The following CPVL variants were observed in gnomAD, a reference collection of about 807,000 sequenced individuals.
CPVL encodes the protein carboxypeptidase vitellogenic like.
A neutral mutation model predicts 63.7 loss-of-function variants in CPVL; 51 were observed. That is an observed-to-expected ratio of 0.80 (90% CI 0.64 to 1.01). The LOEUF is 1.01. Among genes scored for constraint, CPVL ranks in the 50% least tolerant of loss-of-function variants. The pLI is 0.00. For missense variants in CPVL, 530 were observed against 573.1 expected, an observed-to-expected ratio of 0.92 and a Z score of 0.77; for synonymous variants, 195 against 206.0, an observed-to-expected ratio of 0.95 and a Z score of 0.46.
chr7:29,026,996 C>G (rs907000527), intron 12 of CPVL, among the ~76,000 whole-genome samples: 3 of 151,994 alleles, frequency 2.0e-5, no homozygotes, highest in African/African-American at 7.2e-5. Flanking sequence ...TTCTACAAGG[C>G]TATCATCCTG....
chr7:29,120,803 G>T, intron 2 of CPVL, 90 bp downstream of exon 2: 1 of 1,312,852 alleles, frequency 7.6e-7, no homozygotes, highest in Non-Finnish European at 1.1e-6. Flanking sequence ...CCTAGTGACA[G>T]GCGAGACTTC....
intron 1 of CPVL, among the ~76,000 whole-genome samples, chr7:29,131,737 T>G (rs2128658549): frequency 6.6e-6 from 1 of 152,336 alleles, no homozygotes; most frequent in African/African-American, 2.4e-5. Context: ...GGTCTCGAGC[T>G]CCTGGGCTCA....
intron 1 of CPVL, among the ~76,000 whole-genome samples, chr7:29,139,767 C>A (rs1323190480): frequency 6.6e-6 from 1 of 152,114 alleles, no homozygotes; most frequent in South Asian, 2.1e-4. Context: ...TGTGTCCCAA[C>A]GGCACAGGCG....
At chr7:29,157,846 A>T (rs1284260777) in intron 5 of CPVL, among the ~76,000 whole-genome samples, 6 of 152,042 alleles carry the variant, frequency 3.9e-5, no homozygotes, top group Non-Finnish European at 7.4e-5. Context: ...TAAAAAAAAA[A>T]TCCTTCTATG....
intron 12 of CPVL, among the ~76,000 whole-genome samples, chr7:29,029,815 T>C (rs890200146): frequency 6.6e-6 from 1 of 152,188 alleles, no homozygotes; most frequent in Non-Finnish European, 1.5e-5. Flanking sequence ...GTTCCCAATA[T>C]AATGAAATGA....
At chr7:29,039,758 A>G (rs893867015) in intron 11 of CPVL, among the ~76,000 whole-genome samples, 1 of 152,204 alleles carries the variant, frequency 6.6e-6, no homozygotes, top group African/African-American at 2.4e-5. Flanking sequence ...AATTACAGAA[A>G]TACCAGAGAA....
intron 1 of CPVL, chr7:29,128,076 T>C (rs1044404460): frequency 6.6e-6 from 1 of 152,060 alleles, no homozygotes; most frequent in Non-Finnish European, 1.5e-5. Flanking sequence ...CCTTACAGTT[T>C]CTGGCAGCCA....
intron 7 of CPVL, among the ~76,000 whole-genome samples, chr7:29,085,252 C>G (rs1028208200): frequency 1.3e-5 from 2 of 152,230 alleles, no homozygotes; most frequent in African/African-American, 2.4e-5. Flanking sequence ...GCTTCTGGAA[C>G]ACACCTTTGT....
intron 11 of CPVL, among the ~76,000 whole-genome samples, chr7:29,035,500 G>T (rs1242187289): frequency 2.0e-5 from 3 of 152,172 alleles, no homozygotes; most frequent in Non-Finnish European, 2.9e-5. Flanking sequence ...TCTGGCCCTG[G>T]TGACATCTCT....
At chr7:29,006,227 T>G (rs1337859567) in intron 12 of CPVL, among the ~76,000 whole-genome samples, 1 of 152,216 alleles carries the variant, frequency 6.6e-6, no homozygotes, top group African/African-American at 2.4e-5. Flanking sequence ...CTATGGAAAT[T>G]GGCAAATACT....
At chr7:29,124,759 T>C (rs1789814316) in intron 1 of CPVL, among the ~76,000 whole-genome samples, 1 of 152,118 alleles carries the variant, frequency 6.6e-6, no homozygotes, top group Non-Finnish European at 1.5e-5. Context: ...TTAGATTGGA[T>C]ATATGGTTTT....
At chr7:29,180,776 G>T (rs35464056) in intron 5 of CPVL, among the ~76,000 whole-genome samples, 17,938 of 152,160 alleles carry the variant, frequency 0.12, 1,242 homozygotes, top group African/African-American at 0.18. Flanking sequence ...TTAGAGCTGG[G>T]TTCAAATCCA....
intron 9 of CPVL, among the ~76,000 whole-genome samples, chr7:29,068,281 C>T (rs1783340373): frequency 6.6e-6 from 1 of 152,126 alleles, no homozygotes; most frequent in African/African-American, 2.4e-5. Flanking sequence ...TCCTAAAGTG[C>T]TGGGATTACA....
rs184896348 is a variant in CPVL at position 29,063,515 on chromosome 7, C to T, written c.1137+546G>A. On this transcript the variant is annotated intron_variant, in intron 11 of 12. Transcript: ENST00000265394. ...AAGAAAGGATGAGAAGTGGTGTGTG[C>T]CAAAGGGAATTTCATTTTAAGGAAT... 1.5e-3 allele frequency among the ~76,000 whole-genome samples: 225 copies of T among 152,138 alleles called. 1 individual carries two copies. Among genetic ancestry groups the T allele is most frequent in the African/African-American group, 4.4e-3 (181 of 41,508 alleles).
chr7:29,038,610 T>G (rs1225284381), intron 11 of CPVL, among the ~76,000 whole-genome samples: 1 of 152,230 alleles, frequency 6.6e-6, no homozygotes, highest in Non-Finnish European at 1.5e-5. Flanking sequence ...GCTGTAACCC[T>G]GAGGCACACC....
intron 1 of CPVL, chr7:29,193,462 G>A (rs1481087526): frequency 6.6e-6 from 1 of 152,106 alleles, no homozygotes; most frequent in East Asian, 1.9e-4. Flanking sequence ...ACCCCAATGT[G>A]AACACTTTCC....
intron 11 of CPVL, among the ~76,000 whole-genome samples, chr7:29,052,824 G>A (rs1790327397): frequency 6.6e-6 from 1 of 152,092 alleles, no homozygotes; most frequent in Admixed American, 6.5e-5. Flanking sequence ...CAGGAGAATT[G>A]CTTGAACCCG....
At chr7:29,061,667 C>T (rs758717299) in intron 11 of CPVL, among the ~76,000 whole-genome samples, 1 of 152,012 alleles carries the variant, frequency 6.6e-6, no homozygotes, top group Non-Finnish European at 1.5e-5. Context: ...TACAGTGAGG[C>T]CAGGTGCGGT....
chr7:29,007,867 A>G (rs896471422), intron 12 of CPVL, among the ~76,000 whole-genome samples: 10 of 152,206 alleles, frequency 6.6e-5, no homozygotes, highest in African/African-American at 2.4e-4. Context: ...GAACTGTGCT[A>G]AGGGGTATGC....
Sources: allele counts gnomAD v4.1 joint callset (sites outside exome capture counted in the v4.1 genomes callset), GRCh38; gene constraint gnomAD v4.1.1; transcripts MANE v1.5; gene names NCBI Gene and HGNC (gene_info 2026-07-23, HGNC 2026-07-21).